The following AKAP6 variants were observed in gnomAD, a reference collection of about 807,000 sequenced individuals.
AKAP6 encodes A-kinase anchor protein 6.
AKAP6 carries 58 observed loss-of-function variants against 188.5 expected under a neutral mutation model. That is an observed-to-expected ratio of 0.31 (90% CI 0.25 to 0.38). The LOEUF (loss-of-function observed/expected upper bound fraction) is 0.38, where lower values mean the gene tolerates loss of function less well. Ranked by LOEUF, AKAP6 falls within the 10% of genes least tolerant of loss-of-function variation. The probability of loss-of-function intolerance (pLI) is 1.00; values close to 1 mark genes in which losing one functional copy is unlikely to be tolerated. For synonymous variants in AKAP6, 989 were observed against 998.6 expected (o/e 0.99, Z 0.18); for missense variants, 2,710 against 2,740.0 (o/e 0.99, Z 0.24).
At chr14:32,562,549 G>A (rs991624228) in intron 4 of AKAP6, among the ~76,000 whole-genome samples, 3 of 152,168 alleles carry the variant, frequency 2.0e-5, no homozygotes, top group Non-Finnish European at 4.4e-5. Flanking sequence ...CTTGAGGTCA[G>A]GAGTTCAAGA....
At chr14:32,793,791 A>G (rs759099163) in intron 12 of AKAP6, among the ~76,000 whole-genome samples, 18 of 152,114 alleles carry the variant, frequency 1.2e-4, no homozygotes, top group Non-Finnish European at 1.9e-4. Flanking sequence ...GCTTCAATTC[A>G]ATAAAACTGA....
At chr14:32,662,350 A>T (rs1304807894) in intron 7 of AKAP6, among the ~76,000 whole-genome samples, 2 of 152,012 alleles carry the variant, frequency 1.3e-5, no homozygotes, top group Non-Finnish European at 2.9e-5. Context: ...ATAAAACATG[A>T]CTTCATTTCT....
At chr14:32,808,551 G>A (rs1422536420) in intron 12 of AKAP6, among the ~76,000 whole-genome samples, 1 of 152,164 alleles carries the variant, frequency 6.6e-6, no homozygotes, top group Non-Finnish European at 1.5e-5. Flanking sequence ...AACTCACAAA[G>A]CAAAAGTAGA....
chr14:32,733,842 G>A (rs2031296467), intron 10 of AKAP6: 1 of 152,086 alleles, frequency 6.6e-6, no homozygotes, highest in Non-Finnish European at 1.5e-5. Context: ...ATTTTAAAAG[G>A]TTGTTTACTA....
chr14:32,514,148 C>T (rs926928237), intron 2 of AKAP6, among the ~76,000 whole-genome samples: 7 of 152,064 alleles, frequency 4.6e-5, no homozygotes, highest in Non-Finnish European at 5.9e-5. Context: ...CCCATCTACC[C>T]GATATGAAAG....
intron 1 of AKAP6, among the ~76,000 whole-genome samples, chr14:32,362,917 G>A (rs1427821187): frequency 6.6e-6 from 1 of 152,120 alleles, no homozygotes; most frequent in Non-Finnish European, 1.5e-5. Flanking sequence ...CTTTGGGGCT[G>A]GAGAGCAGTA....
intron 7 of AKAP6, among the ~76,000 whole-genome samples, chr14:32,624,438 T>C (rs1434504433): frequency 2.0e-5 from 3 of 152,170 alleles, no homozygotes; most frequent in African/African-American, 7.2e-5. Context: ...TTTAAATTGC[T>C]TAAAGTTGCA....
intron 9 of AKAP6, among the ~76,000 whole-genome samples, chr14:32,717,012 T>C (rs747619973): frequency 2.0e-5 from 3 of 152,130 alleles, no homozygotes; most frequent in Non-Finnish European, 4.4e-5. Flanking sequence ...GCTTTGTCCC[T>C]GTTTTGCAGA....
chr14:32,492,472 T>G (rs1278606212), intron 2 of AKAP6, among the ~76,000 whole-genome samples: 1 of 151,782 alleles, frequency 6.6e-6, no homozygotes, highest in Non-Finnish European at 1.5e-5. Flanking sequence ...GTATTTTTCT[T>G]AAGTTCTCTT....
At chr14:32,671,184 C>T (rs10139964) in intron 7 of AKAP6, among the ~76,000 whole-genome samples, 70,018 of 151,790 alleles carry the variant, frequency 0.46, 16,986 homozygotes, top group East Asian at 0.67. Context: ...AAGAGGTTAT[C>T]TCAGCAAAGA....
chr14:32,644,274 A>T (rs1434350329), intron 7 of AKAP6, among the ~76,000 whole-genome samples: 1 of 152,210 alleles, frequency 6.6e-6, no homozygotes, highest in East Asian at 1.9e-4. Context: ...TAGGAATAAG[A>T]AATTGCTACT....
intron 2 of AKAP6, among the ~76,000 whole-genome samples, chr14:32,522,189 A>G (rs1480757691): frequency 3.3e-5 from 5 of 152,226 alleles, no homozygotes; most frequent in Admixed American, 3.3e-4. Flanking sequence ...AAATTAATTC[A>G]ATATGGATTA....
At chr14:32,636,078 C>T (rs981018939) in intron 7 of AKAP6, among the ~76,000 whole-genome samples, 2 of 152,060 alleles carry the variant, frequency 1.3e-5, no homozygotes, top group Non-Finnish European at 2.9e-5. Context: ...ATGTTTTGCA[C>T]TTATTTTTAA....
chr14:32,695,864 T>C (rs1890381429), intron 8 of AKAP6, 126 bp from the exon 9 acceptor site: 1 of 1,207,714 alleles, frequency 8.3e-7, no homozygotes, highest in African/African-American at 1.6e-5. Context: ...AACATAGAAA[T>C]TTTCTCTTCT....
intron 8 of AKAP6, among the ~76,000 whole-genome samples, chr14:32,682,905 G>C (rs1226156842): frequency 6.6e-6 from 1 of 152,052 alleles, no homozygotes; most frequent in Non-Finnish European, 1.5e-5. Context: ...TCTCACTTCA[G>C]ACCTATTGAA....
At chr14:32,360,712 AGTGTGTGTGTGTGT>A (rs35969035) in intron 1 of AKAP6, among the ~76,000 whole-genome samples, 4 of 136,036 alleles carry the variant, frequency 2.9e-5, no homozygotes, top group Non-Finnish European at 4.7e-5. Flanking sequence ...TTGGCCATTG[AGTGTGTGTGTGTGT>A]GTGTGTGTGT....
At chr14:32,605,333 G>T (rs1312839335) in intron 7 of AKAP6, among the ~76,000 whole-genome samples, 1 of 152,100 alleles carries the variant, frequency 6.6e-6, no homozygotes, top group African/African-American at 2.4e-5. Flanking sequence ...TTGCCAAGGT[G>T]AAAATAATGG....
At chr14:32,661,960 A>G (rs1048375829) in intron 7 of AKAP6, among the ~76,000 whole-genome samples, 2 of 152,042 alleles carry the variant, frequency 1.3e-5, no homozygotes, top group African/African-American at 4.8e-5. Flanking sequence ...CCTATTACCA[A>G]GTGATTCCTG....
intron 1 of AKAP6, among the ~76,000 whole-genome samples, chr14:32,391,727 T>A (rs1316345563): frequency 6.6e-6 from 1 of 152,210 alleles, no homozygotes; most frequent in Non-Finnish European, 1.5e-5. Flanking sequence ...AAGATGTGAC[T>A]GCTACCCCTT....
Sources: gnomAD v4.1 joint callset for allele counts (sites outside exome capture counted in the v4.1 genomes callset) on GRCh38, gnomAD v4.1.1 for gene constraint, MANE v1.5 for transcripts, NCBI Gene and HGNC (gene_info 2026-07-23, HGNC 2026-07-21) for gene names.